The following AGTPBP1 variants were observed in gnomAD, a reference collection of about 807,000 sequenced individuals.
AGTPBP1 encodes the protein cytosolic carboxypeptidase 1.
AGTPBP1 carries 70 observed loss-of-function variants against 143.9 expected under a neutral mutation model. That is an observed-to-expected ratio of 0.49 (90% CI 0.40 to 0.59). AGTPBP1 has a LOEUF of 0.59. AGTPBP1 is among the 20% of genes least tolerant of loss of function. AGTPBP1 has a pLI of 0.00. For missense variants in AGTPBP1, 1,229 were observed against 1,464.5 expected (o/e 0.84, Z 2.62); for synonymous variants, 463 against 500.2 (o/e 0.93, Z 0.99).
At position 85,633,120 on chromosome 9, in the gene AGTPBP1, A is replaced by T. The variant is rs1398836347; in HGVS notation, c.1557T>A (p.Thr519=). 2 of 1,614,012 alleles carry T rather than the reference A, an allele frequency of 1.2e-6. No homozygotes were observed. Among genetic ancestry groups the T allele is most frequent in the Non-Finnish European group, 1.7e-6 (2 of 1,180,008 alleles). The change falls in exon 14 of 26, where the codon ACT becomes ACA. Residue 519 remains threonine (T), a synonymous_variant. Coordinates refer to ENST00000357081, the MANE Select transcript of AGTPBP1 (RefSeq NM_001330701.2). ...LQQQPGDQNR[T]ISSVHGLNND... ...TGTTTAAACCATGGACTGATGAAATAGTTCTATTTTGATCACCTGGCTGCT... is the reference window on the plus strand; with the variant it reads ...TGTTTAAACCATGGACTGATGAAATTGTTCTATTTTGATCACCTGGCTGCT...
rs55882437 is a variant in AGTPBP1, at chr9:85,572,004, G to GTTTT, written c.3503+3307_3503+3310dup. Among the ~76,000 whole-genome samples the GTTTT allele has an allele frequency of 9.5e-3, 413 of 43,318 alleles. 75 individuals carry two copies. The highest frequency in any genetic ancestry group is 0.04 in the Middle Eastern group (2 of 50). The allele number at this position is 43,318 out of a possible 152,430, so 28.4% of individuals were successfully genotyped here. On this transcript the variant is annotated intron_variant, in intron 25 of 25. Coordinates refer to ENST00000357081, the MANE Select transcript of AGTPBP1 (RefSeq NM_001330701.2). ...TGGCCATTATTAGTTGTTTGTGTGTGTTTTTTTTTTTTTTTTTTTTTTTTT... is the reference window on the plus strand; with the variant it reads ...TGGCCATTATTAGTTGTTTGTGTGTGTTTTTTTTTTTTTTTTTTTTTTTTTTTTT...
At chr9:85,670,004 G>T (rs1834387222) in intron 7 of AGTPBP1, among the ~76,000 whole-genome samples, 1 of 152,176 alleles carries the variant, frequency 6.6e-6, no homozygotes. Context: ...ATCAAGAGTT[G>T]TAGACTATTT....
At chr9:85,699,412 A>C (rs1475205446) in intron 2 of AGTPBP1, among the ~76,000 whole-genome samples, 1 of 152,250 alleles carries the variant, frequency 6.6e-6, no homozygotes, top group Non-Finnish European at 1.5e-5. Flanking sequence ...ATTTGCTTGA[A>C]TATGGCAAAA....
At chr9:85,647,407 G>A (rs1049827999) in intron 11 of AGTPBP1, among the ~76,000 whole-genome samples, 1 of 152,164 alleles carries the variant, frequency 6.6e-6, no homozygotes, top group African/African-American at 2.4e-5. Flanking sequence ...TAGCTCATGA[G>A]GTTAAAGAGC....
At chr9:85,755,338 T>G in the AGTPBP1 span, among the ~76,000 whole-genome samples, 1 of 152,250 alleles carries the variant, frequency 6.6e-6, no homozygotes, top group Non-Finnish European at 1.5e-5. Context: ...AACAGTCATA[T>G]TCCATCTATA....
chr9:85,779,667 T>C, the AGTPBP1 span, among the ~76,000 whole-genome samples: 3 of 152,106 alleles, frequency 2.0e-5, no homozygotes, highest in Non-Finnish European at 4.4e-5. Context: ...AAGTTGACAC[T>C]CAATAGTAAC....
intron 17 of AGTPBP1, among the ~76,000 whole-genome samples, chr9:85,613,839 C>A (rs1830457673): frequency 6.6e-6 from 1 of 151,908 alleles, no homozygotes; most frequent in Non-Finnish European, 1.5e-5. Flanking sequence ...TGATGTAAAA[C>A]CTTTAAACAA....
At chr9:85,755,302 G>A in the AGTPBP1 span, among the ~76,000 whole-genome samples, 48 of 152,152 alleles carry the variant, frequency 3.2e-4, no homozygotes, top group South Asian at 6.2e-4. Flanking sequence ...CTTCATTACC[G>A]TGTCCACTTG....
chr9:85,632,289 A>G (rs570622818), intron 14 of AGTPBP1, among the ~76,000 whole-genome samples: 17 of 152,344 alleles, frequency 1.1e-4, no homozygotes, highest in Middle Eastern at 3.4e-3. Flanking sequence ...GCCTATTTTT[A>G]AATCCTATAC....
chr9:85,761,008 C>T, the AGTPBP1 span, among the ~76,000 whole-genome samples: 1 of 152,106 alleles, frequency 6.6e-6, no homozygotes, highest in South Asian at 2.1e-4. Flanking sequence ...TGAGTGAACT[C>T]CCATTCACAA....
intron 2 of AGTPBP1, among the ~76,000 whole-genome samples, chr9:85,699,819 G>A (rs1836529193): frequency 6.6e-6 from 1 of 151,920 alleles, no homozygotes; most frequent in Non-Finnish European, 1.5e-5. Context: ...TATGTGGAAT[G>A]GATTATTTTT....
chr9:85,715,004 C>T (rs1375145470), intron 1 of AGTPBP1, among the ~76,000 whole-genome samples: 2 of 151,916 alleles, frequency 1.3e-5, no homozygotes, highest in Non-Finnish European at 2.9e-5. Flanking sequence ...CCCAGCACTT[C>T]GGGAGGCCAA....
rs1235734436 is a variant in AGTPBP1 at position 85,573,253 on chromosome 9, GCCA to G, written c.3503+2059_3503+2061del. On this transcript the variant is annotated intron_variant, in intron 25 of 25. Coordinates refer to ENST00000357081, the MANE Select transcript of AGTPBP1 (RefSeq NM_001330701.2). The stretch of plus-strand genomic sequence containing the variant: ...CGAGTGCCTGCCATTGCAGGCACGC[GCCA>G]CCACGCCTGACTGGTTTTCATATTT... Among the ~76,000 whole-genome samples, 2 of 152,086 alleles carry G rather than the reference GCCA, an allele frequency of 1.3e-5. 1 individual carries two copies. Among genetic ancestry groups the G allele is most frequent in the African/African-American group, 4.8e-5 (2 of 41,430 alleles).
At chr9:85,724,269 A>C (rs1261644713) in intron 1 of AGTPBP1, among the ~76,000 whole-genome samples, 3 of 149,376 alleles carry the variant, frequency 2.0e-5, no homozygotes, top group African/African-American at 7.4e-5. Context: ...CCTGTGCAAC[A>C]GAGTGAGACT....
Position 85,579,056 on chromosome 9 carries a change from C to A in AGTPBP1, c.3206G>T (p.Cys1069Phe), listed in dbSNP as rs148724007. 3.8e-4 allele frequency: 617 copies of A among 1,610,636 alleles called. No homozygotes were observed. Among genetic ancestry groups the A allele is most frequent in the African/African-American group, 2.1e-3 (159 of 74,758 alleles). Residue 1069 changes from cysteine (C) to phenylalanine (F), a missense_variant, in exon 24 of 26, where the codon TGC becomes TTC. By Grantham distance (205) the Cys-to-Phe change is radical (BLOSUM62 -2). Coordinates refer to ENST00000357081, the MANE Select transcript of AGTPBP1 (RefSeq NM_001330701.2). ...CACTACGAAGCTACAGCTGCTCATGCAAAATGCTGGGGCGATATGGCTCAG... is the reference window on the plus strand; with the variant it reads ...CACTACGAAGCTACAGCTGCTCATGAAAAATGCTGGGGCGATATGGCTCAG... Reference protein sequence around the residue: ...KILSHIAPAFCMSSCSFVVEK... With the variant: ...KILSHIAPAFFMSSCSFVVEK...
chr9:85,646,626 T>C (rs1409450261), intron 11 of AGTPBP1, among the ~76,000 whole-genome samples: 1 of 152,250 alleles, frequency 6.6e-6, no homozygotes, highest in Non-Finnish European at 1.5e-5. Flanking sequence ...TGGAAAGCAC[T>C]GTAAAGGTGA....
chr9:85,738,241 C>T (rs1823948038), intron 1 of AGTPBP1, among the ~76,000 whole-genome samples: 1 of 151,880 alleles, frequency 6.6e-6, no homozygotes, highest in Non-Finnish European at 1.5e-5. Context: ...GTAAAAGGGT[C>T]CTAACCAAAA....
chr9:85,805,360 C>CCTCACCGCGGCCTGCAGCCGCG, the AGTPBP1 span: 3 of 152,312 alleles, frequency 2.0e-5, no homozygotes, highest in African/African-American at 7.2e-5. Flanking sequence ...TCTTCCCGCC[C>CCTCACCGCGGCCTGCAGCCGCG]CTCACCGCGG....
chr9:85,771,808 C>T, the AGTPBP1 span, among the ~76,000 whole-genome samples: 16 of 151,484 alleles, frequency 1.1e-4, no homozygotes, highest in South Asian at 2.7e-3. Context: ...CCCGCCACCA[C>T]GCCTGGCTAA....
Sources: gnomAD v4.1 joint callset for allele counts (sites outside exome capture counted in the v4.1 genomes callset) on GRCh38, gnomAD v4.1.1 for gene constraint, MANE v1.5 for transcripts, NCBI Gene and HGNC (gene_info 2026-07-23, HGNC 2026-07-21) for gene names.